Variants in ZMYND11 observed in about 807,000 individuals in gnomAD.
The protein encoded by ZMYND11 is zinc finger MYND-type containing 11, also known as zinc finger MYND domain-containing protein 11.
In ZMYND11, 9 loss-of-function variants were observed where a neutral mutation model predicts 84.9. That is an observed-to-expected ratio of 0.11 (90% CI 0.06 to 0.18). The LOEUF is 0.18. Among genes scored for constraint, ZMYND11 ranks in the 10% least tolerant of loss-of-function variants. The pLI is 1.00. For missense variants in ZMYND11, 409 were observed against 761.0 expected (o/e 0.54, Z 5.44); for synonymous variants, 250 against 244.1 (o/e 1.02, Z -0.23).
intron 1 of ZMYND11, among the ~76,000 whole-genome samples, chr10:161,340 C>G (rs1292476590): frequency 6.7e-6 from 1 of 149,866 alleles, no homozygotes; most frequent in Non-Finnish European, 1.5e-5. Context: ...AACAGACATG[C>G]TGTCATGTAG....
At chr10:188,610 AT>A (rs55833231) in intron 2 of ZMYND11, among the ~76,000 whole-genome samples, 33,334 of 137,394 alleles carry the variant, frequency 0.24, 4,415 homozygotes, top group Non-Finnish European at 0.34. Context: ...AAAAAAAAAA[AT>A]TTCCCAGTAT....
intron 1 of ZMYND11, among the ~76,000 whole-genome samples, chr10:158,879 G>C (rs150217914): frequency 6.6e-6 from 1 of 151,182 alleles, no homozygotes; most frequent in African/African-American, 2.4e-5. Flanking sequence ...CATCTGTTCA[G>C]ATCCTTTATC....
At chr10:197,892 C>A (rs952447422) in intron 2 of ZMYND11, 4 of 563,270 alleles carry the variant, frequency 7.1e-6, no homozygotes, top group South Asian at 2.4e-5. Flanking sequence ...ATCAAACTTA[C>A]AATATATTTC....
chr10:223,423 ATTCTG>A (rs1947499404), intron 4 of ZMYND11, among the ~76,000 whole-genome samples: 2 of 152,156 alleles, frequency 1.3e-5, no homozygotes, highest in South Asian at 4.1e-4. Context: ...TGATTACCCT[ATTCTG>A]TTCTGTTCTT....
At chr10:222,114 A>C (rs116910498) in intron 4 of ZMYND11, among the ~76,000 whole-genome samples, 23 of 152,332 alleles carry the variant, frequency 1.5e-4, no homozygotes, top group Admixed American at 4.6e-4. Flanking sequence ...TAAAATACTT[A>C]TTTGGAACCA....
intron 4 of ZMYND11, among the ~76,000 whole-genome samples, chr10:225,292 T>C (rs1947913154): frequency 6.6e-6 from 1 of 152,198 alleles, no homozygotes; most frequent in Non-Finnish European, 1.5e-5. Context: ...CATGAAACTA[T>C]TTGTCAATTT....
chr10:239,618 G>T (rs1297739097), intron 7 of ZMYND11, 93 bp downstream of exon 7: 1 of 879,394 alleles, frequency 1.1e-6, no homozygotes, highest in Non-Finnish European at 1.8e-6. Flanking sequence ...TACTTTCAAA[G>T]AATTAATACC....
chr10:136,410 C>T (rs1341314047), intron 1 of ZMYND11, among the ~76,000 whole-genome samples: 2 of 152,154 alleles, frequency 1.3e-5, no homozygotes, highest in African/African-American at 4.8e-5. Context: ...AGTGCGGTGT[C>T]CTATGCGGTG....
upstream of ZMYND11, among the ~76,000 whole-genome samples, chr10:133,945 TTTCTAAA>T (rs1835404685): frequency 6.6e-6 from 1 of 152,182 alleles, no homozygotes; most frequent in Non-Finnish European, 1.5e-5. Context: ...GTACCACCCA[TTTCTAAA>T]TTCTAACAGT....
intron 10 of ZMYND11, among the ~76,000 whole-genome samples, chr10:244,316 C>T (rs562715160): frequency 6.6e-6 from 1 of 152,010 alleles, no homozygotes; most frequent in East Asian, 1.9e-4. Flanking sequence ...CATATCATTA[C>T]ATGTAAATGG....
At position 166,793 on chromosome 10, in the gene ZMYND11, A is replaced by G. The variant is rs1017542187; in HGVS notation, c.-19-13201A>G. On this transcript the variant is annotated intron_variant, in intron 1 of 14. Coordinates refer to ENST00000381604, the MANE Select transcript of ZMYND11 (RefSeq NM_001370100.5). ...AGACCCAAGCAGATACTTGTATGCC[A>G]GTGTTCACTGCAGTCTCATTCACAG... Among the ~76,000 whole-genome samples, 3 of 152,286 alleles carry G rather than the reference A, an allele frequency of 2.0e-5. No homozygotes were observed. The East Asian group carries it at 5.8e-4, about 29-fold the overall frequency.
In ZMYND11 at chr10:138,971, T is replaced by G. The variant is rs187746890; in HGVS notation, c.-20+3412T>G. 3.0e-3 allele frequency among the ~76,000 whole-genome samples: 458 copies of G among 152,138 alleles called. No homozygotes were observed. The Middle Eastern group carries it at 0.031, about 10-fold the overall frequency. ...TGATTCTCCTGCTTCAGCCTGGGAT[T>G]ATAGGCGCCCGCCACTGTGCCTGGC... On this transcript the variant is annotated intron_variant, in intron 1 of 14. Transcript: ENST00000381604.
chr10:190,102 A>G (rs2130895152), intron 2 of ZMYND11, among the ~76,000 whole-genome samples: 1 of 152,334 alleles, frequency 6.6e-6, no homozygotes, highest in Non-Finnish European at 1.5e-5. Context: ...TTTTGAATGT[A>G]GAAATGGTAA....
chr10:245,984 ATTC>A (rs1273946423), intron 10 of ZMYND11, among the ~76,000 whole-genome samples: 1 of 152,172 alleles, frequency 6.6e-6, no homozygotes, highest in Non-Finnish European at 1.5e-5. Context: ...TCACTTTTCC[ATTC>A]TTCTTAGTGC....
chr10:235,554 C>T lies in ZMYND11; in HGVS notation c.439-1284C>T, dbSNP rs559824286. 3.9e-5 allele frequency among the ~76,000 whole-genome samples: 6 copies of T among 152,328 alleles called. No homozygotes were observed. The South Asian group carries it at 8.3e-4, about 21-fold the overall frequency. ...AACAAATGAACAAGCAAATACGAAT[C>T]ACAGGCCCTGCCACCAGAAGTCACA... is the stretch of plus-strand genomic sequence containing the variant. On this transcript the variant is annotated intron_variant, in intron 4 of 14. Transcript: ENST00000381604.
intron 2 of ZMYND11, among the ~76,000 whole-genome samples, chr10:204,562 A>G (rs568950631): frequency 8.5e-5 from 13 of 152,276 alleles, no homozygotes; most frequent in African/African-American, 3.1e-4. Context: ...ATGATTTGCA[A>G]ACTCCTTATC....
intron 1 of ZMYND11, among the ~76,000 whole-genome samples, chr10:171,191 G>A (rs1845227848): frequency 6.6e-6 from 1 of 152,086 alleles, no homozygotes; most frequent in South Asian, 2.1e-4. Context: ...TGATAGAACT[G>A]CAAGGAGAAA....
chr10:212,989 G>A (rs1164276671), intron 3 of ZMYND11, among the ~76,000 whole-genome samples: 2 of 152,120 alleles, frequency 1.3e-5, no homozygotes, highest in African/African-American at 4.8e-5. Context: ...GACTGTCCAT[G>A]TGCCACAATT....
intron 2 of ZMYND11, among the ~76,000 whole-genome samples, chr10:199,367 A>G (rs1464702061): frequency 1.4e-5 from 2 of 145,470 alleles, no homozygotes; most frequent in Admixed American, 7.2e-5. Context: ...CTGTGTATGC[A>G]TGTACGTATG....
Sources: allele counts gnomAD v4.1 joint callset (sites outside exome capture counted in the v4.1 genomes callset), GRCh38; gene constraint gnomAD v4.1.1; transcripts MANE v1.5; gene names NCBI Gene and HGNC (gene_info 2026-07-23, HGNC 2026-07-21).